DRAM1: variants seen among roughly 807,000 people sequenced by gnomAD.
The protein encoded by DRAM1 is DNA damage regulated autophagy modulator 1, also known as DNA damage-regulated autophagy modulator protein 1.
DRAM1 carries 25 observed loss-of-function variants against 28.5 expected under a neutral mutation model. That is an observed-to-expected ratio of 0.88 (90% CI 0.64 to 1.23). The LOEUF is 1.23. Among genes scored for constraint, DRAM1 ranks in the 50% most tolerant of loss-of-function variants. DRAM1 has a pLI of 0.00. For synonymous variants in DRAM1, 113 were observed against 114.2 expected, an observed-to-expected ratio of 0.99 and a Z score of 0.07; for missense variants, 249 against 299.2, an observed-to-expected ratio of 0.83 and a Z score of 1.24.
intron 4 of DRAM1, among the ~76,000 whole-genome samples, chr12:101,912,457 C>G (rs1267886804): frequency 6.6e-5 from 10 of 152,118 alleles, no homozygotes; most frequent in African/African-American, 2.4e-4. Flanking sequence ...AGAGCTGAGA[C>G]CAAGTTTTCC....
Position 101,921,941 on chromosome 12 carries a change from T to G in DRAM1, c.*681T>G, listed in dbSNP as rs545074328. On this transcript the variant is annotated 3_prime_UTR_variant, in exon 7 of 7. Coordinates refer to ENST00000258534, the MANE Select transcript of DRAM1 (RefSeq NM_018370.3). ...TCTCCCTGCTCATGAGGTCGCACCT[T>G]TTGCTCTTGCTGCTAATTGCCCATT... The G allele has an allele frequency of 6.6e-6, 1 of 152,372 alleles. No individual in the cohort carries two copies. Among genetic ancestry groups the G allele is most frequent in the East Asian group, 1.9e-4 (1 of 5,186 alleles). The allele number at this position is 152,372 out of a possible 1,614,324, so 9.4% of individuals were successfully genotyped here. A position where few individuals can be genotyped will look rare whatever the true frequency, so the allele number is the denominator to read the frequency against.
chr12:101,887,710 G>GT (rs1272567713), intron 1 of DRAM1, among the ~76,000 whole-genome samples: 1 of 151,614 alleles, frequency 6.6e-6, no homozygotes, highest in Non-Finnish European at 1.5e-5. Flanking sequence ...TTTTGTTTTT[G>GT]TTTTTTTAGT....
chr12:101,898,208 A>C (rs1049101600), intron 2 of DRAM1, among the ~76,000 whole-genome samples: 11 of 152,032 alleles, frequency 7.2e-5, no homozygotes, highest in African/African-American at 2.7e-4. Context: ...TTTTTTGTAG[A>C]GATGGGGTTT....
intron 1 of DRAM1, among the ~76,000 whole-genome samples, chr12:101,879,561 G>A (rs770974157): frequency 9.3e-4 from 141 of 152,228 alleles, no homozygotes; most frequent in Non-Finnish European, 9.1e-4. Context: ...GATTACAGGC[G>A]TGAGCCACCA....
chr12:101,892,503 C>A (rs1219498215), intron 1 of DRAM1, among the ~76,000 whole-genome samples: 1 of 151,830 alleles, frequency 6.6e-6, no homozygotes, highest in African/African-American at 2.4e-5. Flanking sequence ...ATCCACCTGC[C>A]TCGGCCTCTC....
rs1197377997 is a variant in DRAM1, at chr12:101,886,720, T to C, written c.131+8800T>C. Among the ~76,000 whole-genome samples, 3 of 152,360 alleles carry C rather than the reference T, an allele frequency of 2.0e-5. No homozygotes were observed. The East Asian group carries it at 5.8e-4, about 29-fold the overall frequency. ...CCCATGTCTTTGTATTCTCATCAAA[T>C]GCCAATTGTGTTTATTCCCAAATTG... On this transcript the variant is annotated intron_variant, in intron 1 of 6. Coordinates refer to ENST00000258534, the MANE Select transcript of DRAM1 (RefSeq NM_018370.3).
At position 101,920,297 on chromosome 12, in the gene DRAM1, C is replaced by CTTTTTTT. The variant is rs373899697; in HGVS notation, c.672+109_672+115dup. 4.9e-3 allele frequency: 1,349 copies of CTTTTTTT among 276,480 alleles called. 36 individuals are homozygous for CTTTTTTT. The Admixed American group carries it at 0.072, about 15-fold the overall frequency. 17.1% of individuals were successfully genotyped at this position (276,480 alleles called of 1,614,324 possible). A position where few individuals can be genotyped will look rare whatever the true frequency, so the allele number is the denominator to read the frequency against. ...TTTGCATTTTTAAAAAGAGCACTTT[C>CTTTTTTT]TTTTTTTTTTTTTTTTTTTGAGACG... On this transcript the variant is annotated intron_variant, in intron 6 of 6. Transcript: ENST00000258534.
intron 1 of DRAM1, among the ~76,000 whole-genome samples, chr12:101,890,472 A>T (rs1044056998): frequency 2.6e-5 from 4 of 152,238 alleles, no homozygotes; most frequent in Non-Finnish European, 4.4e-5. Context: ...AACCACGTTC[A>T]TCTCCCTCTT....
chr12:101,918,469 G>C (rs1874341558), intron 5 of DRAM1, among the ~76,000 whole-genome samples: 1 of 152,212 alleles, frequency 6.6e-6, no homozygotes, highest in South Asian at 2.1e-4. Flanking sequence ...CTGTAGGCTG[G>C]TCAGGTCCTC....
rs1312581078 is a variant in DRAM1, at chr12:101,877,714, G to A, written c.-76G>A. 2 of 1,192,180 alleles carry A rather than the reference G, an allele frequency of 1.7e-6. No homozygotes were observed. Among genetic ancestry groups the A allele is most frequent in the Admixed American group, 4.4e-5 (1 of 22,764 alleles). The allele number at this position is 1,192,180 out of a possible 1,614,324, so 73.9% of individuals were successfully genotyped here. ...CCGTGAGTGTACGCGCCCGGCCGCC[G>A]CCTCCAGGCAGCCCGGAGCAACCCG... On this transcript the variant is annotated 5_prime_UTR_variant, in exon 1 of 7. Coordinates refer to ENST00000258534, the MANE Select transcript of DRAM1 (RefSeq NM_018370.3). This position sits in a 1 kb window ranked among gnomAD's most constrained non-coding sequence, Gnocchi z 4.1.
At chr12:101,883,658 G>T (rs1872771436) in intron 1 of DRAM1, among the ~76,000 whole-genome samples, 1 of 151,104 alleles carries the variant, frequency 6.6e-6, no homozygotes, top group South Asian at 2.1e-4. Context: ...ATGAGGCCGG[G>T]CGCAGTGGCT....
chr12:101,921,567 A>T lies in DRAM1; in HGVS notation c.*307A>T. ...ATGGAGAGCTCTTATTTTTGTACAGATTCTGTCGTTTTTGTTTTATTTGTG... is the reference window on the plus strand; with the variant it reads ...ATGGAGAGCTCTTATTTTTGTACAGTTTCTGTCGTTTTTGTTTTATTTGTG... On this transcript the variant is annotated 3_prime_UTR_variant, in exon 7 of 7. Transcript: ENST00000258534. The T allele has an allele frequency of 4.6e-6, 1 of 218,826 alleles. No individual in the cohort carries two copies. Among genetic ancestry groups the T allele is most frequent in the Non-Finnish European group, 8.8e-6 (1 of 113,974 alleles). 13.6% of individuals were successfully genotyped at this position (218,826 alleles called of 1,614,324 possible). A position where few individuals can be genotyped will look rare whatever the true frequency, so the allele number is the denominator to read the frequency against.
intron 4 of DRAM1, among the ~76,000 whole-genome samples, chr12:101,913,932 C>T (rs147497216): frequency 6.9e-4 from 105 of 151,996 alleles, no homozygotes; most frequent in African/African-American, 2.1e-3. Flanking sequence ...AAAACTATTG[C>T]GAAGGTATTT....
At chr12:101,904,510 C>G (rs142125591) in intron 3 of DRAM1, among the ~76,000 whole-genome samples, 1 of 128,896 alleles carries the variant, frequency 7.8e-6, no homozygotes, top group African/African-American at 2.9e-5. Flanking sequence ...GGCGCAATCT[C>G]GGCTCACTAC....
intron 5 of DRAM1, among the ~76,000 whole-genome samples, chr12:101,919,858 G>A (rs1444494650): frequency 1.3e-5 from 2 of 152,172 alleles, no homozygotes; most frequent in Non-Finnish European, 2.9e-5. Context: ...ACCTTTTGAA[G>A]TGACAAACTA....
At chr12:101,882,107 ATTTTTTTTTTT>A (rs78402038) in intron 1 of DRAM1, among the ~76,000 whole-genome samples, 3 of 129,532 alleles carry the variant, frequency 2.3e-5, no homozygotes, top group Non-Finnish European at 5.0e-5. Flanking sequence ...TGATGGTCTA[ATTTTTTTTTTT>A]TTTTTTTTTT....
Position 101,877,634 on chromosome 12 carries a change from C to T in DRAM1, c.-156C>T, listed in dbSNP as rs1872530083. 2 of 432,228 alleles carry T rather than the reference C, an allele frequency of 4.6e-6. No homozygotes were observed. The highest frequency in any genetic ancestry group is 3.6e-6 in the Non-Finnish European group (1 of 276,330). The allele number at this position is 432,228 out of a possible 1,614,324, so 26.8% of individuals were successfully genotyped here. A position where few individuals can be genotyped will look rare whatever the true frequency, so the allele number is the denominator to read the frequency against. The stretch of plus-strand genomic sequence containing the variant: ...GCCTCGCTCCGCTCCTCGCGCTTCC[C>T]CTCCCTCCGGGGCTGGGCCTGCCCC... On this transcript the variant is annotated 5_prime_UTR_variant, in exon 1 of 7. Coordinates refer to ENST00000258534, the MANE Select transcript of DRAM1 (RefSeq NM_018370.3). The surrounding 1 kb of genome is among the most constrained non-coding windows in gnomAD (Gnocchi z 4.1).
chr12:101,887,915 T>C (rs773715325), intron 1 of DRAM1, among the ~76,000 whole-genome samples: 2 of 152,136 alleles, frequency 1.3e-5, no homozygotes, highest in Non-Finnish European at 2.9e-5. Context: ...AGTGGTGATG[T>C]TGGCTTTCCT....
At chr12:101,910,186 C>A (rs567115931) in intron 4 of DRAM1, among the ~76,000 whole-genome samples, 1 of 152,158 alleles carries the variant, frequency 6.6e-6, no homozygotes, top group Non-Finnish European at 1.5e-5. Context: ...AATTTACCAA[C>A]AAAATATATA....
Sources: allele counts gnomAD v4.1 joint callset (sites outside exome capture counted in the v4.1 genomes callset), GRCh38; gene constraint gnomAD v4.1.1; non-coding constraint Gnocchi (gnomAD v3.1); transcripts MANE v1.5; gene names NCBI Gene and HGNC (gene_info 2026-07-23, HGNC 2026-07-21).